AR: variants seen among roughly 807,000 people sequenced by gnomAD.
AR encodes dihydrotestosterone receptor.
A neutral mutation model predicts 53.9 loss-of-function variants in AR; 8 were observed. The observed-to-expected ratio is 0.15, with a 90% confidence interval of 0.09 to 0.27. AR has a LOEUF of 0.27. AR is among the 10% of genes least tolerant of loss of function. The pLI, the probability that AR is intolerant of heterozygous loss-of-function variation, is 1.00. For missense variants in AR, 639 were observed against 742.5 expected, an observed-to-expected ratio of 0.86 and a Z score of 1.62; for synonymous variants, 359 against 316.4, an observed-to-expected ratio of 1.13 and a Z score of -1.43.
chrX:67,638,323 C>T lies in AR; in HGVS notation c.1617-4933C>T, dbSNP rs540094293. 3.6e-5 allele frequency among the ~76,000 whole-genome samples: 4 copies of T among 111,399 alleles called. No individual in the cohort carries two copies. In the Admixed American group the frequency reaches 3.8e-4, roughly 11 times the overall value. ...CTTTATGGTAGAATGATTTATAATC[C>T]TTTGTTTATATACCCAGTAATAGAA... On this transcript the variant is annotated intron_variant, in intron 1 of 7. Coordinates refer to ENST00000374690, the MANE Select transcript of AR (RefSeq NM_000044.6).
At chrX:67,573,561 G>A (rs1310581126) in intron 1 of AR, among the ~76,000 whole-genome samples, 4 of 111,375 alleles carry the variant, frequency 3.6e-5, no homozygotes, top group African/African-American at 1.3e-4. Flanking sequence ...GGGTCATCTG[G>A]TCTCAAGCCT....
chrX:67,663,400 A>T (rs1159213267), intron 2 of AR, among the ~76,000 whole-genome samples: 2 of 111,883 alleles, frequency 1.8e-5, no homozygotes, highest in East Asian at 5.6e-4. Flanking sequence ...GTTTGGCTGG[A>T]TATGAAATTC....
intron 1 of AR, among the ~76,000 whole-genome samples, chrX:67,572,876 A>G (rs1353667862): frequency 8.9e-6 from 1 of 111,846 alleles, no homozygotes; most frequent in Admixed American, 9.5e-5. Flanking sequence ...GGTCCTTTCC[A>G]GGAACAATCC....
intron 2 of AR, among the ~76,000 whole-genome samples, chrX:67,665,983 T>C (rs915934059): frequency 9.0e-6 from 1 of 111,712 alleles, no homozygotes; most frequent in African/African-American, 3.3e-5. Flanking sequence ...GGCATTTTGA[T>C]ACAAGCATAC....
chrX:67,719,079 G>A (rs775214975), intron 5 of AR, among the ~76,000 whole-genome samples: 1 of 111,069 alleles, frequency 9.0e-6, no homozygotes, highest in Non-Finnish European at 1.9e-5. Flanking sequence ...AAAATCTACA[G>A]GCCAATGGTT....
At chrX:67,721,416 T>C (rs997222215) in intron 5 of AR, among the ~76,000 whole-genome samples, 1 of 111,905 alleles carries the variant, frequency 8.9e-6, no homozygotes, top group Non-Finnish European at 1.9e-5. Flanking sequence ...TAAAAATCCT[T>C]CATGTTGAGC....
Position 67,686,123 on chromosome X carries a change from G to A in AR, c.1882G>A (p.Gly628Arg). ...RKCYEAGMTLGARKLKKLGNL... is the reference protein window; with the variant it reads ...RKCYEAGMTLRARKLKKLGNL... Reference sequence around the variant, plus strand: ...ATGTTATGAAGCAGGGATGACTCTGGGAGGTAAGATACTTTTCTTTCTCTT... The same window carrying A: ...ATGTTATGAAGCAGGGATGACTCTGAGAGGTAAGATACTTTTCTTTCTCTT... Residue 628 changes from glycine to arginine, a missense_variant, in exon 3 of 8, where the codon GGA (glycine) becomes AGA (arginine). By Grantham distance (125) the Gly-to-Arg change is moderately radical. Coordinates refer to ENST00000374690, the MANE Select transcript of AR (RefSeq NM_000044.6). 8.3e-7 allele frequency: 1 copy of A among 1,206,516 alleles called. No individual in the cohort carries two copies. The highest frequency in any genetic ancestry group is 1.1e-6 in the Non-Finnish European group (1 of 891,426).
At chrX:67,652,194 A>G (rs961934748) in intron 2 of AR, among the ~76,000 whole-genome samples, 3 of 111,703 alleles carry the variant, frequency 2.7e-5, no homozygotes, top group Non-Finnish European at 5.6e-5. Context: ...GTTTTCCTAT[A>G]TTAGGGTTTT....
chrX:67,698,138 A>T (rs1203567659), intron 3 of AR, among the ~76,000 whole-genome samples: 5 of 112,301 alleles, frequency 4.5e-5, no homozygotes, highest in Non-Finnish European at 9.4e-5. Context: ...ATTTGCTCTT[A>T]ACTACTACTC....
At chrX:67,718,048 A>T (rs1423216543) in intron 5 of AR, among the ~76,000 whole-genome samples, 2 of 112,573 alleles carry the variant, frequency 1.8e-5, no homozygotes, top group African/African-American at 3.2e-5. Context: ...ACTATGCTAG[A>T]TACTTTCTAA....
intron 3 of AR, among the ~76,000 whole-genome samples, chrX:67,689,049 T>C (rs1351428606): frequency 8.9e-6 from 1 of 111,742 alleles, no homozygotes; most frequent in Admixed American, 9.5e-5. Flanking sequence ...ACTAGGAATG[T>C]GGCCTTGGGC....
chrX:67,561,350 A>G (rs767129394), intron 1 of AR, among the ~76,000 whole-genome samples: 1 of 112,130 alleles, frequency 8.9e-6, no homozygotes, highest in South Asian at 3.7e-4. Flanking sequence ...CTCCATATCC[A>G]TGGATTCCAT....
chrX:67,613,521 C>T (rs1923976295), intron 1 of AR, among the ~76,000 whole-genome samples: 1 of 111,261 alleles, frequency 9.0e-6, no homozygotes, highest in Admixed American at 9.5e-5. Context: ...GAGAACCAGA[C>T]AAAGGAATCA....
intron 1 of AR, among the ~76,000 whole-genome samples, chrX:67,588,494 G>A (rs776508130): frequency 8.9e-6 from 1 of 111,779 alleles, no homozygotes; most frequent in Admixed American, 9.5e-5. Context: ...GGATCATCAA[G>A]CCTGTTTTTA....
chrX:67,664,518 C>G (rs981809270), intron 2 of AR, among the ~76,000 whole-genome samples: 2 of 111,946 alleles, frequency 1.8e-5, no homozygotes, highest in Non-Finnish European at 3.8e-5. Flanking sequence ...AGGTGTCAGT[C>G]TGCCCCTACT....
chrX:67,632,475 G>T (rs774586601), intron 1 of AR, among the ~76,000 whole-genome samples: 1 of 112,399 alleles, frequency 8.9e-6, no homozygotes. Context: ...CCCGAGTGAG[G>T]CAATGCCTCG....
chrX:67,669,606 T>A (rs751162327), intron 2 of AR, among the ~76,000 whole-genome samples: 108 of 111,732 alleles, frequency 9.7e-4, no homozygotes, highest in African/African-American at 3.5e-3. Context: ...TTCATTTTTC[T>A]GTCTGGATGA....
At chrX:67,594,810 G>A (rs950866909) in intron 1 of AR, among the ~76,000 whole-genome samples, 3 of 111,241 alleles carry the variant, frequency 2.7e-5, no homozygotes, top group Non-Finnish European at 5.7e-5. Context: ...TTAGCTAGGC[G>A]TTGTGGTACG....
intron 3 of AR, among the ~76,000 whole-genome samples, chrX:67,702,500 A>T (rs963498566): frequency 3.6e-5 from 4 of 112,192 alleles, no homozygotes; most frequent in African/African-American, 1.3e-4. Flanking sequence ...CTTTGGTGGG[A>T]TGTGGGTGTT....
Sources: gnomAD v4.1 joint callset for allele counts (sites outside exome capture counted in the v4.1 genomes callset) on GRCh38, gnomAD v4.1.1 for gene constraint, MANE v1.5 for transcripts, NCBI Gene and HGNC (gene_info 2026-07-23, HGNC 2026-07-21) for gene names.